PDE3B: variants seen among roughly 807,000 people sequenced by gnomAD.
The protein encoded by PDE3B is phosphodiesterase 3B, also known as cGMP-inhibited 3',5'-cyclic phosphodiesterase 3B.
PDE3B carries 66 observed loss-of-function variants against 116.8 expected under a neutral mutation model. The observed-to-expected ratio is 0.56, with a 90% confidence interval of 0.46 to 0.69. PDE3B has a LOEUF of 0.69. Ranked by LOEUF, PDE3B falls within the 30% of genes least tolerant of loss-of-function variation. The pLI, the probability that PDE3B is intolerant of heterozygous loss-of-function variation, is 0.00. For synonymous variants in PDE3B, 595 were observed against 533.6 expected (o/e 1.12, Z -1.59); for missense variants, 1,384 against 1,368.1 (o/e 1.01, Z -0.18).
At chr11:14,799,515 T>C (rs866180805) in intron 4 of PDE3B, among the ~76,000 whole-genome samples, 3 of 152,186 alleles carry the variant, frequency 2.0e-5, no homozygotes, top group African/African-American at 7.2e-5. Context: ...TTGATCTGTC[T>C]AATATTGACA....
At chr11:14,769,456 G>A (rs1447929995) in intron 1 of PDE3B, among the ~76,000 whole-genome samples, 1 of 150,852 alleles carries the variant, frequency 6.6e-6, no homozygotes, top group East Asian at 1.9e-4. Context: ...CTTCTGCATA[G>A]GCAGCCTTTA....
At chr11:14,661,681 A>T (rs1190841258) in intron 1 of PDE3B, among the ~76,000 whole-genome samples, 1 of 152,204 alleles carries the variant, frequency 6.6e-6, no homozygotes, top group Non-Finnish European at 1.5e-5. Context: ...GGAGGGTCCT[A>T]GCCCACGGAG....
chr11:14,890,507 G>T, the PDE3B span: 2 of 458,320 alleles, frequency 4.4e-6, no homozygotes, highest in Non-Finnish European at 5.6e-6. Flanking sequence ...AACCATTAGT[G>T]ACTTTCTATT....
At chr11:14,896,735 AG>A in the PDE3B span, among the ~76,000 whole-genome samples, 1 of 152,234 alleles carries the variant, frequency 6.6e-6, no homozygotes. Flanking sequence ...CACTGAGTGA[AG>A]GGAAAGGAAA....
Position 14,644,958 on chromosome 11 carries a change from T to C in PDE3B, c.883T>C (p.Ser295Pro), listed in dbSNP as rs143434418. The C allele has an allele frequency of 1.3e-4, 216 of 1,613,776 alleles. No individual in the cohort carries two copies. Among genetic ancestry groups the C allele is most frequent in the Non-Finnish European group, 1.7e-4 (205 of 1,179,992 alleles). ...GCCTGTGATCCGACCCCGGAGGAGG[T>C]CCAGCTGCGTGTCGTTAGGAGAAAC... ...KVPVIRPRRR[S>P]SCVSLGETAA... Residue 295 changes from serine (S) to proline (P), a missense_variant, in exon 1 of 16, where the codon TCC becomes CCC. By Grantham distance (74) the Ser-to-Pro change is moderately conservative. Around this residue, in one of 2 missense-constraint regions of PDE3B, gnomAD observed 956 missense variants for 806.8 expected, o/e 1.18. Transcript: ENST00000282096.
intron 4 of PDE3B, among the ~76,000 whole-genome samples, chr11:14,793,400 A>T (rs1161309428): frequency 2.0e-5 from 3 of 152,196 alleles, no homozygotes; most frequent in Admixed American, 6.6e-5. Flanking sequence ...TTTATGCGTG[A>T]AACAAAGTTT....
intron 7 of PDE3B, among the ~76,000 whole-genome samples, chr11:14,825,921 C>T (rs1033535276): frequency 2.6e-5 from 4 of 152,094 alleles, no homozygotes. Context: ...CAAACATACT[C>T]CTGGACCACA....
chr11:14,671,972 G>T (rs2133781667), intron 1 of PDE3B, among the ~76,000 whole-genome samples: 1 of 148,864 alleles, frequency 6.7e-6, no homozygotes, highest in African/African-American at 2.5e-5. Context: ...AGCTGTGATT[G>T]TGGTACTGTA....
chr11:14,644,068 C>T lies in PDE3B; in HGVS notation c.-8C>T, dbSNP rs1047610636. 2.6e-6 allele frequency: 4 copies of T among 1,512,860 alleles called. No individual in the cohort carries two copies. The highest frequency in any genetic ancestry group is 2.9e-5 in the African/African-American group (2 of 70,140). 93.7% of individuals were successfully genotyped at this position (1,512,860 alleles called of 1,614,324 possible). A position where few individuals can be genotyped will look rare whatever the true frequency, so the allele number is the denominator to read the frequency against. ...TGCTGAGTCCCGTGGCCACCCCCGG[C>T]CCCAGCCATGAGGAGGGACGAGCGA... On this transcript the variant is annotated 5_prime_UTR_variant, in exon 1 of 16. Transcript: ENST00000282096.
chr11:14,769,586 C>T (rs1313511057), intron 1 of PDE3B, among the ~76,000 whole-genome samples: 7 of 146,312 alleles, frequency 4.8e-5, no homozygotes, highest in Non-Finnish European at 9.0e-5. Context: ...ATTACAACTC[C>T]GAATCCAGGG....
intron 1 of PDE3B, among the ~76,000 whole-genome samples, chr11:14,667,295 G>A (rs1214072277): frequency 6.7e-6 from 1 of 150,156 alleles, no homozygotes; most frequent in Non-Finnish European, 1.5e-5. Context: ...GGGGTGGGGG[G>A]AGTGGGGAGG....
chr11:14,786,360 A>C, intron 2 of PDE3B, 77 bp from the exon 3 acceptor site: 1 of 1,065,950 alleles, frequency 9.4e-7, no homozygotes, highest in East Asian at 2.6e-5. Flanking sequence ...TATAAATTTT[A>C]AGTTAGAATT....
chr11:14,659,633 T>C (rs567937907), intron 1 of PDE3B, among the ~76,000 whole-genome samples: 10 of 152,334 alleles, frequency 6.6e-5, no homozygotes, highest in African/African-American at 2.4e-4. Flanking sequence ...CCATTAGTTA[T>C]TTTTCCTCAT....
intron 1 of PDE3B, among the ~76,000 whole-genome samples, chr11:14,665,833 A>G (rs1854121567): frequency 6.6e-6 from 1 of 152,308 alleles, no homozygotes; most frequent in African/African-American, 2.4e-5. Context: ...GGAAGAATCA[A>G]TATCGTGAAA....
chr11:14,741,048 G>A (rs1005215450), intron 1 of PDE3B, among the ~76,000 whole-genome samples: 3 of 152,096 alleles, frequency 2.0e-5, no homozygotes, highest in Non-Finnish European at 2.9e-5. Flanking sequence ...GAATAAATGC[G>A]ATGTGGTGCT....
chr11:14,891,640 G>C, the PDE3B span: 3 of 1,117,492 alleles, frequency 2.7e-6, no homozygotes, highest in Non-Finnish European at 3.3e-6. Context: ...GAGGGCATGC[G>C]TCCACCCTGG....
intron 1 of PDE3B, among the ~76,000 whole-genome samples, chr11:14,708,660 T>C (rs1233261834): frequency 1.3e-5 from 2 of 152,060 alleles, no homozygotes; most frequent in Non-Finnish European, 2.9e-5. Context: ...AGTCGATAAC[T>C]ATAGTGTGGT....
At chr11:14,782,533 G>T (rs565220562) in intron 2 of PDE3B, among the ~76,000 whole-genome samples, 1 of 152,258 alleles carries the variant, frequency 6.6e-6, no homozygotes, top group Admixed American at 6.5e-5. Context: ...TTAATAAATG[G>T]TATTGAGAAA....
Position 14,818,376 on chromosome 11 carries a change from T to C in PDE3B, c.1716T>C (p.Asp572=), listed in dbSNP as rs1250016446. 1.2e-6 allele frequency: 2 copies of C among 1,607,628 alleles called. No homozygotes were observed. The highest frequency in any genetic ancestry group is 1.7e-6 in the Non-Finnish European group (2 of 1,174,152). ...PDFYQQLRNS[D]SNLCNSCGHQ... ...TTTATCAGCAACTTAGAAATTCTGATAGCAATCTGTGTAACAGGTAAGTTT... is the reference window on the plus strand; with the variant it reads ...TTTATCAGCAACTTAGAAATTCTGACAGCAATCTGTGTAACAGGTAAGTTT... Residue 572 remains aspartate, a synonymous_variant, in exon 6 of 16, where the codon GAT becomes GAC. Coordinates refer to ENST00000282096, the MANE Select transcript of PDE3B (RefSeq NM_000922.4).
Sources: allele counts gnomAD v4.1 joint callset (sites outside exome capture counted in the v4.1 genomes callset), GRCh38; gene constraint gnomAD v4.1.1; regional missense constraint gnomAD v4.1.1; transcripts MANE v1.5; gene names NCBI Gene and HGNC (gene_info 2026-07-23, HGNC 2026-07-21).